Variants in BNC2 observed in about 807,000 individuals in gnomAD.
BNC2 encodes basonuclin zinc finger protein 2.
BNC2 carries 20 observed loss-of-function variants against 76.3 expected under a neutral mutation model. That is an observed-to-expected ratio of 0.26 (90% CI 0.18 to 0.38). BNC2 has a LOEUF of 0.38. Ranked by LOEUF, BNC2 falls within the 10% of genes least tolerant of loss-of-function variation. BNC2 has a pLI of 1.00. For missense variants in BNC2, 1,382 were observed against 1,399.8 expected (o/e 0.99, Z 0.20); for synonymous variants, 582 against 514.8 (o/e 1.13, Z -1.77).
chr9:16,621,982 A>G (rs1563867705), intron 3 of BNC2, among the ~76,000 whole-genome samples: 2 of 152,200 alleles, frequency 1.3e-5, no homozygotes, highest in Middle Eastern at 3.4e-3. Context: ...TTTAAATTGC[A>G]TATGTGGCTT....
intron 1 of BNC2, among the ~76,000 whole-genome samples, chr9:16,850,109 T>C (rs142109276): frequency 2.0e-5 from 3 of 152,352 alleles, no homozygotes; most frequent in African/African-American, 4.8e-5. Context: ...TTTCGTATCA[T>C]GAAGCACTCA....
intron 1 of BNC2, among the ~76,000 whole-genome samples, chr9:16,839,395 C>T (rs927433471): frequency 1.3e-5 from 2 of 152,220 alleles, no homozygotes; most frequent in Non-Finnish European, 2.9e-5. Flanking sequence ...CTATGTAGTA[C>T]TAAAATACTG....
At chr9:16,755,421 C>T (rs539111778) in intron 1 of BNC2, among the ~76,000 whole-genome samples, 1 of 152,254 alleles carries the variant, frequency 6.6e-6, no homozygotes, top group East Asian at 1.9e-4. Flanking sequence ...AAACTTTTAG[C>T]TACATTATCC....
At chr9:16,737,131 G>A (rs928343740) in intron 2 of BNC2, among the ~76,000 whole-genome samples, 2 of 150,992 alleles carry the variant, frequency 1.3e-5, no homozygotes, top group Admixed American at 1.3e-4. Flanking sequence ...TAAGAGCTAG[G>A]ATCTTGCTCT....
At chr9:16,766,266 C>A (rs557321607) in intron 1 of BNC2, among the ~76,000 whole-genome samples, 53 of 152,286 alleles carry the variant, frequency 3.5e-4, no homozygotes, top group African/African-American at 1.3e-3. Flanking sequence ...AACCATCCAT[C>A]ACTGTTTCCT....
intron 1 of BNC2, among the ~76,000 whole-genome samples, chr9:16,850,162 G>T (rs1819092832): frequency 6.6e-6 from 1 of 152,052 alleles, no homozygotes; most frequent in African/African-American, 2.4e-5. Context: ...GATATCCTTT[G>T]CCTTTAGAAG....
intron 1 of BNC2, among the ~76,000 whole-genome samples, chr9:16,786,294 T>C (rs765665637): frequency 1.3e-5 from 2 of 152,128 alleles, no homozygotes; most frequent in Non-Finnish European, 1.5e-5. Context: ...GTCTTAATTA[T>C]AGAAAATGTG....
chr9:16,554,805 C>A (rs761144412), intron 4 of BNC2, among the ~76,000 whole-genome samples: 1 of 152,078 alleles, frequency 6.6e-6, no homozygotes, highest in Non-Finnish European at 1.5e-5. Flanking sequence ...TAGTTCTTTA[C>A]AAAACAGACT....
intron 5 of BNC2, among the ~76,000 whole-genome samples, chr9:16,450,896 T>C (rs904689031): frequency 1.3e-5 from 2 of 152,192 alleles, no homozygotes; most frequent in Non-Finnish European, 2.9e-5. Context: ...AAAATGGAAG[T>C]GCCATACTCT....
At chr9:16,659,336 G>A (rs915902166) in intron 3 of BNC2, among the ~76,000 whole-genome samples, 4 of 152,132 alleles carry the variant, frequency 2.6e-5, no homozygotes, top group African/African-American at 9.7e-5. Context: ...CTTGCGGCGG[G>A]CACAGTGGCT....
chr9:16,761,948 A>T (rs530601742), intron 1 of BNC2, among the ~76,000 whole-genome samples: 1 of 152,358 alleles, frequency 6.6e-6, no homozygotes, highest in East Asian at 1.9e-4. Flanking sequence ...AAAATTTATC[A>T]TGATACTCAA....
At chr9:16,629,256 T>C (rs1291256981) in intron 3 of BNC2, among the ~76,000 whole-genome samples, 1 of 152,232 alleles carries the variant, frequency 6.6e-6, no homozygotes, top group Non-Finnish European at 1.5e-5. Context: ...CCAAAAATTA[T>C]ATTAACATCA....
chr9:16,631,336 C>T (rs1587254755), intron 3 of BNC2, among the ~76,000 whole-genome samples: 1 of 152,212 alleles, frequency 6.6e-6, no homozygotes, highest in Middle Eastern at 3.4e-3. Context: ...AATAAGAACC[C>T]ATACCCCCAC....
At chr9:16,759,794 G>C (rs964396416) in intron 1 of BNC2, among the ~76,000 whole-genome samples, 2 of 151,312 alleles carry the variant, frequency 1.3e-5, no homozygotes, top group African/African-American at 4.9e-5. Context: ...CACCATCCCG[G>C]CTCACTGCCT....
chr9:16,623,106 C>G (rs569558541), intron 3 of BNC2, among the ~76,000 whole-genome samples: 110 of 152,212 alleles, frequency 7.2e-4, no homozygotes, highest in Non-Finnish European at 7.1e-4. Context: ...GATGGTGAAA[C>G]TAAGCCACAC....
At chr9:16,516,021 T>C (rs1465903538) in intron 5 of BNC2, among the ~76,000 whole-genome samples, 11 of 151,652 alleles carry the variant, frequency 7.3e-5, no homozygotes, top group Non-Finnish European at 7.4e-5. Flanking sequence ...GCAGTGACCT[T>C]AAGTAAGAGA....
At chr9:16,598,820 T>G (rs571143473) in intron 3 of BNC2, among the ~76,000 whole-genome samples, 2 of 152,330 alleles carry the variant, frequency 1.3e-5, no homozygotes, top group East Asian at 3.9e-4. Flanking sequence ...GTATATATCC[T>G]GGGCAATACC....
chr9:16,808,377 A>T (rs891045620), intron 1 of BNC2, among the ~76,000 whole-genome samples: 1 of 151,872 alleles, frequency 6.6e-6, no homozygotes, highest in Non-Finnish European at 1.5e-5. Context: ...CCTCAAATTA[A>T]AAGTTAGAGG....
At chr9:16,748,741 G>A (rs1056899524) in intron 1 of BNC2, among the ~76,000 whole-genome samples, 2 of 149,578 alleles carry the variant, frequency 1.3e-5, no homozygotes, top group Non-Finnish European at 3.0e-5. Context: ...TACTCAGGAG[G>A]CTGAGGCAAG....
Sources: gnomAD v4.1 joint callset for allele counts (sites outside exome capture counted in the v4.1 genomes callset) on GRCh38, gnomAD v4.1.1 for gene constraint, MANE v1.5 for transcripts, NCBI Gene and HGNC (gene_info 2026-07-23, HGNC 2026-07-21) for gene names.